The following LIPI variants were observed in gnomAD, a reference collection of about 807,000 sequenced individuals.
LIPI encodes the protein lipase I, also known as lipase member I.
A neutral mutation model predicts 50.6 loss-of-function variants in LIPI; 59 were observed. That is an observed-to-expected ratio of 1.16 (90% CI 0.94 to 1.45). The LOEUF is 1.45. Ranked by LOEUF, LIPI falls within the 40% of genes most tolerant of loss-of-function variation. The pLI is 0.00. For synonymous variants in LIPI, 203 were observed against 178.2 expected (o/e 1.14, Z -1.11); for missense variants, 586 against 536.3 (o/e 1.09, Z -0.92).
chr21:14,152,024 T>A (rs1298505679), intron 8 of LIPI, among the ~76,000 whole-genome samples: 1 of 151,502 alleles, frequency 6.6e-6, no homozygotes, highest in Non-Finnish European at 1.5e-5. Context: ...CCAATGAGAG[T>A]CATAAGAGAG....
chr21:14,183,950 A>T (rs1451394348), intron 3 of LIPI, among the ~76,000 whole-genome samples: 3 of 152,216 alleles, frequency 2.0e-5, no homozygotes, highest in Non-Finnish European at 4.4e-5. Flanking sequence ...TAGAAATACC[A>T]TTTGACCCAG....
intron 9 of LIPI, among the ~76,000 whole-genome samples, chr21:14,119,185 A>G (rs900585988): frequency 2.6e-5 from 4 of 152,158 alleles, no homozygotes; most frequent in Admixed American, 2.0e-4. Flanking sequence ...AAACTCCCCA[A>G]CTATCTTTGA....
chr21:14,115,603 G>C (rs1043502494), intron 9 of LIPI, among the ~76,000 whole-genome samples: 1 of 152,126 alleles, frequency 6.6e-6, no homozygotes. Flanking sequence ...AGAGCCCCAG[G>C]ACGTGGGAGA....
chr21:14,115,983 A>G (rs536092383), intron 9 of LIPI, among the ~76,000 whole-genome samples: 1 of 150,788 alleles, frequency 6.6e-6, no homozygotes, highest in African/African-American at 2.4e-5. Context: ...GCAGGGTGAC[A>G]AGAGTGGTTT....
At chr21:14,169,819 C>G (rs984224979) in intron 4 of LIPI, among the ~76,000 whole-genome samples, 2 of 152,036 alleles carry the variant, frequency 1.3e-5, no homozygotes, top group Admixed American at 6.5e-5. Flanking sequence ...AAAGCAAGAG[C>G]AAACACATTC....
At chr21:14,139,448 C>T in intron 9 of LIPI, among the ~76,000 whole-genome samples, 1 of 152,016 alleles carries the variant, frequency 6.6e-6, no homozygotes, top group Non-Finnish European at 1.5e-5. Flanking sequence ...TGTTCCATGC[C>T]AATGTATTTA....
intron 1 of LIPI, among the ~76,000 whole-genome samples, 167 bp from the exon 2 acceptor site, chr21:14,189,586 T>C (rs1473763382): frequency 1.3e-5 from 2 of 152,184 alleles, no homozygotes; most frequent in East Asian, 1.9e-4. Flanking sequence ...GTATTAATTA[T>C]GTAAAAAGAT....
chr21:14,171,193 C>T (rs529379748), intron 4 of LIPI, among the ~76,000 whole-genome samples: 66 of 151,274 alleles, frequency 4.4e-4, no homozygotes, highest in Non-Finnish European at 8.3e-4. Context: ...GAACTACAAA[C>T]CACTGCTCAA....
chr21:14,166,502 A>G (rs558122982), intron 4 of LIPI, 51 bp from the exon 5 acceptor site: 10 of 950,422 alleles, frequency 1.1e-5, no homozygotes, highest in Admixed American at 1.7e-5. Context: ...TCAGGTGAGT[A>G]TCTTGCATAA....
rs576731301 is a variant in LIPI at position 14,161,851 on chromosome 21, TTATA to T, written c.1006+1564_1006+1567del. ...ATATTAATATATAATATATACATTA[TTATA>T]TATAATTACATATAATATAACATAT... On this transcript the variant is annotated intron_variant, in intron 7 of 9. Coordinates refer to ENST00000681601, the MANE Select transcript of LIPI (RefSeq NM_001302998.2). Among the ~76,000 whole-genome samples the T allele has an allele frequency of 4.6e-4, 53 of 114,788 alleles. 6 individuals carry two copies. Among genetic ancestry groups the T allele is most frequent in the African/African-American group, 1.9e-3 (53 of 28,016 alleles). 75.3% of individuals were successfully genotyped at this position (114,788 alleles called of 152,430 possible). A position where few individuals can be genotyped will look rare whatever the true frequency, so the allele number is the denominator to read the frequency against.
At chr21:14,204,291 A>T (rs974905166) in intron 1 of LIPI, among the ~76,000 whole-genome samples, 12 of 151,702 alleles carry the variant, frequency 7.9e-5, no homozygotes, top group Admixed American at 2.6e-4. Flanking sequence ...TCTTTTTTTT[A>T]AAAAAGAGGT....
At chr21:14,165,148 T>C (rs1468583126) in intron 6 of LIPI, 75 bp downstream of exon 6, 37 of 1,173,856 alleles carry the variant, frequency 3.2e-5, no homozygotes, top group Non-Finnish European at 4.4e-5. Context: ...ACAGTTTAGC[T>C]TCCAGCAGAA....
rs1019285122 is a variant in LIPI, at chr21:14,165,785, C to T, written c.734-395G>A. Reference sequence around the variant, plus strand: ...GCTGACCTTAAAACTTTATTACCTTCCTTTTCTTTTCCAACCTTGCACATC... The same window carrying T: ...GCTGACCTTAAAACTTTATTACCTTTCTTTTCTTTTCCAACCTTGCACATC... On this transcript the variant is annotated intron_variant, in intron 5 of 9. Transcript: ENST00000681601. Among the ~76,000 whole-genome samples, 3 of 152,184 alleles carry T rather than the reference C, an allele frequency of 2.0e-5. No individual in the cohort carries two copies. The East Asian group carries it at 5.8e-4, about 29-fold the overall frequency.
chr21:14,166,694 T>C (rs1478286733), intron 4 of LIPI, among the ~76,000 whole-genome samples: 1 of 152,210 alleles, frequency 6.6e-6, no homozygotes. Context: ...TTTTGTGGTA[T>C]GACCGCATAA....
At chr21:14,113,338 G>T in intron 9 of LIPI, among the ~76,000 whole-genome samples, 1 of 152,122 alleles carries the variant, frequency 6.6e-6, no homozygotes, top group Non-Finnish European at 1.5e-5. Context: ...CTTTATTTCA[G>T]ATCTTCAAAA....
chr21:14,151,096 G>A (rs1054785279), intron 8 of LIPI, among the ~76,000 whole-genome samples: 2 of 152,080 alleles, frequency 1.3e-5, no homozygotes, highest in Non-Finnish European at 2.9e-5. Flanking sequence ...TGGTTTTTAT[G>A]TTACTTCAGT....
chr21:14,168,739 C>T (rs1324719951), intron 4 of LIPI, among the ~76,000 whole-genome samples: 6 of 152,236 alleles, frequency 3.9e-5, no homozygotes, highest in South Asian at 2.1e-4. Context: ...AAGGAAAAAC[C>T]GGTACCAGCC....
At chr21:14,194,441 T>C (rs2019776407) in intron 1 of LIPI, among the ~76,000 whole-genome samples, 1 of 152,198 alleles carries the variant, frequency 6.6e-6, no homozygotes, top group Admixed American at 6.5e-5. Flanking sequence ...ACCTGGTAGA[T>C]ATCTAGAATG....
chr21:14,163,010 A>G (rs963154780), intron 7 of LIPI, among the ~76,000 whole-genome samples: 1 of 151,482 alleles, frequency 6.6e-6, no homozygotes, highest in African/African-American at 2.4e-5. Context: ...CTCTAAATGT[A>G]TTATGAGGAT....
Sources: allele counts gnomAD v4.1 joint callset (sites outside exome capture counted in the v4.1 genomes callset), GRCh38; gene constraint gnomAD v4.1.1; transcripts MANE v1.5; gene names NCBI Gene and HGNC (gene_info 2026-07-23, HGNC 2026-07-21).